Variants in PDPN observed in about 807,000 individuals in gnomAD.
PDPN encodes the protein PA2.26 antigen.
Under a neutral mutation model 23.2 loss-of-function variants are expected in PDPN, and 12 were observed. The ratio of observed to expected loss-of-function variants is 0.52; its 90% CI spans 0.33 to 0.84. The LOEUF (loss-of-function observed/expected upper bound fraction) is 0.84. Among genes scored for constraint, PDPN ranks in the 40% least tolerant of loss-of-function variants. PDPN has a pLI of 0.02. For missense variants in PDPN, 199 were observed against 212.2 expected (o/e 0.94, Z 0.39); for synonymous variants, 77 against 76.7 (o/e 1.00, Z -0.02).
chr1:13,613,572 C>A, intron 3 of PDPN, 115 bp from the exon 4 acceptor site: 1 of 664,938 alleles, frequency 1.5e-6, no homozygotes, highest in Non-Finnish European at 2.7e-6. Context: ...AAGAAGCCAT[C>A]CTCTTGGTTT....
chr1:13,594,845 A>T lies in PDPN; in HGVS notation c.67+10745A>T, dbSNP rs74987197. 2.0e-5 allele frequency among the ~76,000 whole-genome samples: 3 copies of T among 151,526 alleles called. No homozygotes were observed. In the East Asian group the frequency reaches 5.8e-4, roughly 29 times the overall value. On this transcript the variant is annotated intron_variant, in intron 1 of 5. Coordinates refer to ENST00000621990, the MANE Select transcript of PDPN (RefSeq NM_006474.5). Reference sequence around the variant, plus strand: ...ACTAAAAATACAAAAAAAAAAAAAAATTAGCCGGGTGTGGTGGCGGGCACC... The same window carrying T: ...ACTAAAAATACAAAAAAAAAAAAAATTTAGCCGGGTGTGGTGGCGGGCACC...
chr1:13,588,748 G>T lies in PDPN; in HGVS notation c.67+4648G>T, dbSNP rs541625261. Among the ~76,000 whole-genome samples the T allele has an allele frequency of 2.7e-4, 40 of 150,418 alleles. No individual in the cohort carries two copies. The East Asian group carries it at 4.9e-3, about 18-fold the overall frequency. ...GGCTGGAGTCCAGTAGCACTATCTC[G>T]TCTCACTGTAGCATTGACCTCCCAG... On this transcript the variant is annotated intron_variant, in intron 1 of 5. Coordinates refer to ENST00000621990, the MANE Select transcript of PDPN (RefSeq NM_006474.5).
chr1:13,586,636 G>A (rs979712006), intron 1 of PDPN, among the ~76,000 whole-genome samples: 2 of 151,986 alleles, frequency 1.3e-5, no homozygotes, highest in African/African-American at 4.8e-5. Flanking sequence ...AATATTGCTA[G>A]CTACTTCTTT....
intron 1 of PDPN, among the ~76,000 whole-genome samples, chr1:13,602,864 G>A (rs1227089642): frequency 6.6e-6 from 1 of 151,944 alleles, no homozygotes; most frequent in Non-Finnish European, 1.5e-5. Flanking sequence ...CACCGTGCCT[G>A]GCCAACTCTA....
At chr1:13,599,574 C>T (rs1280523166) in intron 1 of PDPN, among the ~76,000 whole-genome samples, 4 of 151,544 alleles carry the variant, frequency 2.6e-5, no homozygotes, top group East Asian at 1.9e-4. Context: ...TTAGTAGAGA[C>T]GGTTTCACCA....
Position 13,583,865 on chromosome 1 carries a change from C to G in PDPN, c.-169C>G. On this transcript the variant is annotated 5_prime_UTR_variant, in exon 1 of 6. Transcript: ENST00000621990. ...AGTTTGCTGTCCGGCTGCCTAGGGTCTGGGAAGCTCGGGCACCCTCCCTCT... is the reference window on the plus strand; with the variant it reads ...AGTTTGCTGTCCGGCTGCCTAGGGTGTGGGAAGCTCGGGCACCCTCCCTCT... 1 of 1,604,976 alleles carries G rather than the reference C, an allele frequency of 6.2e-7. No individual in the cohort carries two copies. Among genetic ancestry groups the G allele is most frequent in the Non-Finnish European group, 8.5e-7 (1 of 1,175,440 alleles).
At position 13,585,402 on chromosome 1, in the gene PDPN, T is replaced by C. The variant is rs138787776; in HGVS notation, c.67+1302T>C. 2.5e-3 allele frequency: 2,467 copies of C among 1,004,750 alleles called. 4 individuals are homozygous for C. Among genetic ancestry groups the C allele is most frequent in the Non-Finnish European group, 3.0e-3 (2,308 of 768,570 alleles). 62.2% of individuals were successfully genotyped at this position (1,004,750 alleles called of 1,614,324 possible). On this transcript the variant is annotated intron_variant, in intron 1 of 5. Coordinates refer to ENST00000621990, the MANE Select transcript of PDPN (RefSeq NM_006474.5). ...CCGTGGGTTATTCGTAGCAGTCCTA[T>C]CTTTGGAACTTCTCTTTCCACTGGA...
chr1:13,595,318 C>T (rs769626624), intron 1 of PDPN, among the ~76,000 whole-genome samples: 5 of 152,174 alleles, frequency 3.3e-5, no homozygotes, highest in Non-Finnish European at 2.9e-5. Flanking sequence ...CTTAATGTGA[C>T]TCCTTGCTAT....
At chr1:13,612,030 T>TA (rs1286764476) in intron 3 of PDPN, among the ~76,000 whole-genome samples, 1 of 152,154 alleles carries the variant, frequency 6.6e-6, no homozygotes, top group Admixed American at 6.6e-5. Context: ...TCTGTTCCTT[T>TA]AAAAAAATTC....
intron 1 of PDPN, among the ~76,000 whole-genome samples, chr1:13,592,388 A>G (rs760460227): frequency 4.0e-5 from 6 of 151,724 alleles, no homozygotes; most frequent in Non-Finnish European, 8.8e-5. Flanking sequence ...GCCTAGTCCA[A>G]GCTTACAGCG....
intron 4 of PDPN, among the ~76,000 whole-genome samples, chr1:13,613,941 T>A (rs116365382): frequency 0.018 from 2,704 of 149,992 alleles, 65 homozygotes; most frequent in African/African-American, 0.054. Context: ...AAACCTCAGA[T>A]GAGTCTATTC....
chr1:13,612,460 G>GT (rs1557551594), intron 3 of PDPN, among the ~76,000 whole-genome samples: 1 of 152,142 alleles, frequency 6.6e-6, no homozygotes, highest in Non-Finnish European at 1.5e-5. Context: ...CAGCTGCCAC[G>GT]TGGTAGGACG....
At chr1:13,593,650 A>G (rs747226926) in intron 1 of PDPN, among the ~76,000 whole-genome samples, 1 of 152,150 alleles carries the variant, frequency 6.6e-6, no homozygotes, top group Non-Finnish European at 1.5e-5. Context: ...GTGGACGGTG[A>G]GGTCAGATGC....
chr1:13,604,829 G>A (rs1017720021), intron 1 of PDPN, among the ~76,000 whole-genome samples: 6 of 152,106 alleles, frequency 3.9e-5, no homozygotes, highest in African/African-American at 1.4e-4. Flanking sequence ...CACAGTAAGC[G>A]TTTGCCTACA....
chr1:13,603,562 TCTC>T (rs1388387626), intron 1 of PDPN, among the ~76,000 whole-genome samples: 2 of 152,056 alleles, frequency 1.3e-5, no homozygotes, highest in African/African-American at 4.8e-5. Flanking sequence ...CAAATCATCT[TCTC>T]CTAGGAAATA....
chr1:13,591,965 C>T (rs886124637), intron 1 of PDPN, among the ~76,000 whole-genome samples: 1 of 152,258 alleles, frequency 6.6e-6, no homozygotes, highest in Admixed American at 6.5e-5. Context: ...TCCCCACCAA[C>T]ACTTGTTCTC....
At chr1:13,592,333 C>T (rs12034614) in intron 1 of PDPN, among the ~76,000 whole-genome samples, 1 of 152,014 alleles carries the variant, frequency 6.6e-6, no homozygotes, top group Non-Finnish European at 1.5e-5. Context: ...TTAAATGTAT[C>T]TGTGTTTTGT....
chr1:13,610,408 GT>G lies in PDPN; in HGVS notation c.224del (p.Val75GlufsTer55). 1 of 1,613,802 alleles carries G rather than the reference GT, an allele frequency of 6.2e-7. No individual in the cohort carries two copies. The highest frequency in any genetic ancestry group is 8.5e-7 in the Non-Finnish European group (1 of 1,179,784). On this transcript the variant is annotated frameshift_variant, in exon 3 of 6. Transcript: ENST00000621990. LOFTEE classifies it high-confidence loss of function. ...TTLVATSVNS[V>X]TGIRIEDLPT... ...ATAGGTGGCAACAAGTGTCAACAGTGTAACAGGCATTCGCATCGAGGATCTG... is the reference window on the plus strand; with the variant it reads ...ATAGGTGGCAACAAGTGTCAACAGTGAACAGGCATTCGCATCGAGGATCTG...
intron 1 of PDPN, among the ~76,000 whole-genome samples, chr1:13,594,901 G>A (rs888290620): frequency 4.6e-5 from 7 of 151,692 alleles, no homozygotes; most frequent in South Asian, 2.1e-4. Flanking sequence ...AGGCTGAGGC[G>A]GGAGAATGGC....
Sources: gnomAD v4.1 joint callset for allele counts (sites outside exome capture counted in the v4.1 genomes callset) on GRCh38, gnomAD v4.1.1 for gene constraint, MANE v1.5 for transcripts, NCBI Gene and HGNC (gene_info 2026-07-23, HGNC 2026-07-21) for gene names.